RBM25: variants seen among roughly 807,000 people sequenced by gnomAD.
The protein encoded by RBM25 is RNA-binding protein 25.
RBM25 carries 19 observed loss-of-function variants against 120.7 expected under a neutral mutation model. The observed-to-expected ratio is 0.16, with a 90% confidence interval of 0.11 to 0.23. The LOEUF (loss-of-function observed/expected upper bound fraction) is 0.23, where lower values mean the gene tolerates loss of function less well. Among genes scored for constraint, RBM25 ranks in the 10% least tolerant of loss-of-function variants. The pLI is 1.00. For synonymous variants in RBM25, 390 were observed against 326.7 expected, an observed-to-expected ratio of 1.19 and a Z score of -2.09; for missense variants, 605 against 1,041.5, an observed-to-expected ratio of 0.58 and a Z score of 5.77.
chr14:73,075,596 T>C (rs973749763), intron 2 of RBM25, among the ~76,000 whole-genome samples: 3 of 152,238 alleles, frequency 2.0e-5, no homozygotes, highest in East Asian at 3.8e-4. Context: ...TATATGTTTA[T>C]CATGCACAAC....
At chr14:73,097,193 T>TTTTTTTA in intron 7 of RBM25, 93 bp downstream of exon 7, 1 of 433,996 alleles carries the variant, frequency 2.3e-6, no homozygotes, top group Non-Finnish European at 3.0e-6. Flanking sequence ...TCTTTTTTCT[T>TTTTTTTA]TTCTTTTTTT....
intron 7 of RBM25, 106 bp from the exon 8 acceptor site, chr14:73,099,274 G>A (rs1325419050): frequency 4.2e-6 from 4 of 959,556 alleles, no homozygotes; most frequent in Non-Finnish European, 6.2e-6. Flanking sequence ...CATCACAGAA[G>A]TGTACTGTAT....
intron 1 of RBM25, chr14:73,068,541 G>T: frequency 2.7e-6 from 2 of 730,816 alleles, no homozygotes; most frequent in South Asian, 2.7e-5. Flanking sequence ...AACATTAGAT[G>T]ACCAATTCTT....
chr14:73,063,739 T>C (rs1020856069), intron 1 of RBM25, among the ~76,000 whole-genome samples: 1 of 151,366 alleles, frequency 6.6e-6, no homozygotes, highest in African/African-American at 2.4e-5. Flanking sequence ...GTCTCTTGCT[T>C]GTATCCTGTT....
At chr14:73,078,276 C>T (rs1469484389) in intron 4 of RBM25, among the ~76,000 whole-genome samples, 1 of 151,952 alleles carries the variant, frequency 6.6e-6, no homozygotes, top group Non-Finnish European at 1.5e-5. Flanking sequence ...GCACTCCACC[C>T]TGGGCGACAG....
rs766461418 is a variant in RBM25, at chr14:73,080,213, C to CTTTTTTTTTTTTTTTT, written c.324+2690_324+2705dup. 1.8e-4 allele frequency among the ~76,000 whole-genome samples: 12 copies of CTTTTTTTTTTTTTTTT among 67,196 alleles called. 3 individuals are homozygous for CTTTTTTTTTTTTTTTT. The highest frequency in any genetic ancestry group is 3.2e-4 in the African/African-American group (5 of 15,804). 44.1% of individuals were successfully genotyped at this position (67,196 alleles called of 152,430 possible). A position where few individuals can be genotyped will look rare whatever the true frequency, so the allele number is the denominator to read the frequency against. On this transcript the variant is annotated intron_variant, in intron 4 of 18. Transcript: ENST00000261973. ...TGTCCGAGTTTCTATTCTTACACAT[C>CTTTTTTTTTTTTTTTT]TTTTTTTTTTTTTTTTTTTTTTTTT...
chr14:73,059,034 C>G (rs1176255521), intron 1 of RBM25, among the ~76,000 whole-genome samples: 1 of 152,110 alleles, frequency 6.6e-6, no homozygotes, highest in South Asian at 2.1e-4. Context: ...ACGTTAGATA[C>G]AAAACGATCG....
rs565292699 is a variant in RBM25, at chr14:73,097,535, A to G, written c.729+435A>G. 2.6e-5 allele frequency among the ~76,000 whole-genome samples: 4 copies of G among 151,862 alleles called. No homozygotes were observed. The South Asian group carries it at 8.3e-4, about 32-fold the overall frequency. On this transcript the variant is annotated intron_variant, in intron 7 of 18. Transcript: ENST00000261973. Reference sequence around the variant, plus strand: ...TTTTTTACAGAGACAAGGTCTCACTATGTTTTCTAGGCTGGTCTCCAACTC... The same window carrying G: ...TTTTTTACAGAGACAAGGTCTCACTGTGTTTTCTAGGCTGGTCTCCAACTC...
chr14:73,082,950 C>T (rs1398613409), intron 4 of RBM25, among the ~76,000 whole-genome samples: 1 of 151,156 alleles, frequency 6.6e-6, no homozygotes, highest in Non-Finnish European at 1.5e-5. Context: ...CGTGGTGGTG[C>T]CTGCATGTAG....
At chr14:73,087,926 G>T in intron 5 of RBM25, 75 bp from the exon 6 acceptor site, 3 of 1,444,776 alleles carry the variant, frequency 2.1e-6, no homozygotes, top group Non-Finnish European at 2.8e-6. Context: ...GGACTCTAGT[G>T]ATTCTACTTT....
At chr14:73,080,213 C>CTTTTTTTTTTTTTTTTTTTTTTTTTT (rs766461418) in intron 4 of RBM25, among the ~76,000 whole-genome samples, 1 of 67,196 alleles carries the variant, frequency 1.5e-5, no homozygotes, top group Non-Finnish European at 2.8e-5. Context: ...TCTTACACAT[C>CTTTTTTTTTTTTTTTTTTTTTTTTTT]TTTTTTTTTT....
chr14:73,072,677 T>C (rs1420592537), intron 2 of RBM25, among the ~76,000 whole-genome samples: 1 of 152,168 alleles, frequency 6.6e-6, no homozygotes, highest in Non-Finnish European at 1.5e-5. Flanking sequence ...ATGCTGGGTG[T>C]GGTGGTGCGT....
chr14:73,074,793 C>T (rs1285233622), intron 2 of RBM25, among the ~76,000 whole-genome samples: 1 of 151,544 alleles, frequency 6.6e-6, no homozygotes, highest in African/African-American at 2.4e-5. Flanking sequence ...GCAGTCTCTG[C>T]CTCCTGGGTT....
At chr14:73,071,301 T>C (rs1895285515) in intron 1 of RBM25, among the ~76,000 whole-genome samples, 1 of 151,738 alleles carries the variant, frequency 6.6e-6, no homozygotes, top group Admixed American at 6.6e-5. Flanking sequence ...ATCTGAATTC[T>C]CAGTTTGGTC....
intron 1 of RBM25, 87 bp from the exon 2 acceptor site, chr14:73,071,540 T>C: frequency 1.1e-6 from 1 of 915,720 alleles, no homozygotes; most frequent in Non-Finnish European, 1.7e-6. Flanking sequence ...ATTTTGCAGA[T>C]ACTCTAAAAA....
At chr14:73,084,067 T>C (rs1170179183) in intron 5 of RBM25, among the ~76,000 whole-genome samples, 1 of 151,928 alleles carries the variant, frequency 6.6e-6, no homozygotes, top group Non-Finnish European at 1.5e-5. Context: ...CCGGCTAATT[T>C]TTGTATTTTT....
chr14:73,076,921 A>G (rs1208445872), intron 3 of RBM25, among the ~76,000 whole-genome samples: 1 of 152,160 alleles, frequency 6.6e-6, no homozygotes, highest in African/African-American at 2.4e-5. Context: ...GTCTACTAAA[A>G]ATACAAAAAA....
At chr14:73,074,702 A>AT (rs147897408) in intron 2 of RBM25, among the ~76,000 whole-genome samples, 14,013 of 147,062 alleles carry the variant, frequency 0.095, 717 homozygotes, top group South Asian at 0.2. Context: ...AATTTCTTTG[A>AT]TTTTTTTTTT....
intron 6 of RBM25, among the ~76,000 whole-genome samples, chr14:73,091,424 G>A (rs529047337): frequency 2.0e-5 from 3 of 152,216 alleles, no homozygotes; most frequent in Admixed American, 6.5e-5. Flanking sequence ...GTGTTGTCCA[G>A]GCTGGTCTTG....
Sources: allele counts gnomAD v4.1 joint callset (sites outside exome capture counted in the v4.1 genomes callset), GRCh38; gene constraint gnomAD v4.1.1; transcripts MANE v1.5; gene names NCBI Gene and HGNC (gene_info 2026-07-23, HGNC 2026-07-21).